GSDMC: variants seen among roughly 807,000 people sequenced by gnomAD.
GSDMC encodes the protein gasdermin C.
A neutral mutation model predicts 58.0 loss-of-function variants in GSDMC; 59 were observed. The ratio of observed to expected loss-of-function variants is 1.02; its 90% confidence interval spans 0.82 to 1.26. The LOEUF (loss-of-function observed/expected upper bound fraction) is 1.26. Among genes scored for constraint, GSDMC ranks in the 50% most tolerant of loss-of-function variants. GSDMC has a pLI of 0.00. For missense variants in GSDMC, 659 were observed against 598.5 expected (o/e 1.10, Z -1.06); for synonymous variants, 241 against 220.2 (o/e 1.09, Z -0.83).
downstream of GSDMC, among the ~76,000 whole-genome samples, chr8:129,745,159 A>G (rs1237296626): frequency 6.6e-6 from 1 of 152,256 alleles, no homozygotes; most frequent in Non-Finnish European, 1.5e-5. Context: ...GCAAAATTCA[A>G]TAGTCAGTCC....
At chr8:129,779,263 G>A (rs1365848227) in intron 1 of GSDMC, among the ~76,000 whole-genome samples, 1 of 152,160 alleles carries the variant, frequency 6.6e-6, no homozygotes, top group Non-Finnish European at 1.5e-5. Context: ...TATACCTCAT[G>A]GAATACTATG....
In GSDMC at chr8:129,748,575, C is replaced by T. The variant is rs753169677; in HGVS notation, c.1453G>A (p.Asp485Asn). The T allele has an allele frequency of 9.3e-6, 15 of 1,613,606 alleles. No individual in the cohort carries two copies. In the South Asian group the frequency reaches 1.3e-4, roughly 14 times the overall value. Residue 485 changes from aspartate to asparagine, a missense_variant, in exon 14 of 14, where the codon GAT becomes AAT. Asp to Asn is a conservative substitution (Grantham distance 23). Transcript: ENST00000276708. ...MELDNPRSTW[D>N]VEAKMPLSAL... is the part of the protein sequence containing the mutation. Reference sequence around the variant, plus strand: ...GACAGGGGCATCTTTGCTTCTACATCCCAGGTTGACCTGGGGTTATCCAGC... The same window carrying T: ...GACAGGGGCATCTTTGCTTCTACATTCCAGGTTGACCTGGGGTTATCCAGC...
intron 6 of GSDMC, among the ~76,000 whole-genome samples, chr8:129,757,376 C>T (rs745427883): frequency 1.3e-5 from 2 of 151,990 alleles, no homozygotes; most frequent in Non-Finnish European, 2.9e-5. Flanking sequence ...CTGAACAGAT[C>T]AGTAATGAGT....
intron 1 of GSDMC, among the ~76,000 whole-genome samples, chr8:129,784,343 T>A (rs187544980): frequency 6.6e-6 from 1 of 152,100 alleles, no homozygotes; most frequent in African/African-American, 2.4e-5. Flanking sequence ...AAACTTCCCA[T>A]CTGATAAGGG....
chr8:129,744,924 C>T (rs1019945079), downstream of GSDMC, among the ~76,000 whole-genome samples: 2 of 152,176 alleles, frequency 1.3e-5, no homozygotes, highest in East Asian at 1.9e-4. Context: ...TGTAGACACT[C>T]GTTTCTCTGC....
intron 1 of GSDMC, among the ~76,000 whole-genome samples, chr8:129,785,232 C>A (rs537317644): frequency 1.3e-5 from 2 of 152,162 alleles, no homozygotes; most frequent in South Asian, 4.1e-4. Flanking sequence ...GAGATCCTGT[C>A]ATTCGCAACA....
intron 6 of GSDMC, among the ~76,000 whole-genome samples, chr8:129,758,199 T>C (rs1227020490): frequency 6.6e-6 from 1 of 152,028 alleles, no homozygotes; most frequent in Non-Finnish European, 1.5e-5. Flanking sequence ...AAAAACCAGG[T>C]ATAGAAGAAA....
chr8:129,706,350 C>G, the GSDMC span, among the ~76,000 whole-genome samples: 1 of 152,130 alleles, frequency 6.6e-6, no homozygotes, highest in African/African-American at 2.4e-5. Flanking sequence ...CACATTTTAA[C>G]AGAAGGGAAG....
intron 4 of GSDMC, among the ~76,000 whole-genome samples, chr8:129,764,072 C>T (rs183100292): frequency 1.3e-5 from 2 of 152,298 alleles, no homozygotes; most frequent in African/African-American, 4.8e-5. Context: ...AATATTATCT[C>T]TTAAAGAGGA....
rs2033193549 is a variant in GSDMC, at chr8:129,751,581, T to C, written c.917-13A>G. ...TCCTCTATTCTTCCTAGAAGGAGAA[T>C]CAAGTCATCATCTCACTTCCTCATC... On this transcript the variant is annotated splice_polypyrimidine_tract_variant and intron_variant, in intron 9 of 13. Transcript: ENST00000276708. The C allele has an allele frequency of 1.2e-6, 2 of 1,611,850 alleles. No individual in the cohort carries two copies. The highest frequency in any genetic ancestry group is 2.7e-5 in the African/African-American group (2 of 74,764).
At chr8:129,708,078 C>T in the GSDMC span, among the ~76,000 whole-genome samples, 1 of 152,184 alleles carries the variant, frequency 6.6e-6, no homozygotes, top group Admixed American at 6.5e-5. Flanking sequence ...TGCATCTCTC[C>T]TCTGTTCAAG....
intron 3 of GSDMC, among the ~76,000 whole-genome samples, chr8:129,770,991 A>G (rs1022356990): frequency 1.9e-4 from 28 of 150,970 alleles, no homozygotes; most frequent in African/African-American, 6.6e-4. Context: ...CCATACTTAC[A>G]CAGACACACA....
intron 9 of GSDMC, 24 bp from the exon 10 acceptor site, chr8:129,751,592 T>C: frequency 6.2e-7 from 1 of 1,609,592 alleles, no homozygotes; most frequent in Admixed American, 1.7e-5. Flanking sequence ...CAAGTCATCA[T>C]CTCACTTCCT....
intron 6 of GSDMC, 112 bp from the exon 7 acceptor site, chr8:129,752,932 A>G (rs1481236399): frequency 6.6e-7 from 1 of 1,525,470 alleles, no homozygotes; most frequent in East Asian, 2.3e-5. Flanking sequence ...CAGTGCACGA[A>G]GGGAGCATTT....
At chr8:129,748,832 T>G in intron 13 of GSDMC, 92 bp from the exon 14 acceptor site, 1 of 1,075,732 alleles carries the variant, frequency 9.3e-7, no homozygotes, top group Non-Finnish European at 1.3e-6. Flanking sequence ...TGCAGGATAA[T>G]AAAAGGAGCA....
At chr8:129,738,455 A>C in the GSDMC span, among the ~76,000 whole-genome samples, 52 of 152,346 alleles carry the variant, frequency 3.4e-4, no homozygotes, top group African/African-American at 1.2e-3. Context: ...TACATATACA[A>C]CATGGAATAC....
the GSDMC span, among the ~76,000 whole-genome samples, chr8:129,722,344 G>C: frequency 6.6e-6 from 1 of 152,198 alleles, no homozygotes. Context: ...AGGAGTTACA[G>C]TTTTATTTCT....
At chr8:129,710,373 A>C in the GSDMC span, among the ~76,000 whole-genome samples, 2 of 152,224 alleles carry the variant, frequency 1.3e-5, no homozygotes, top group Non-Finnish European at 2.9e-5. Flanking sequence ...ACATCCTTGC[A>C]CCGGCCAACA....
At chr8:129,742,005 G>A in the GSDMC span, among the ~76,000 whole-genome samples, 1 of 149,866 alleles carries the variant, frequency 6.7e-6, no homozygotes, top group Non-Finnish European at 1.5e-5. Context: ...AGATGAATGT[G>A]GAGGACATAA....
Sources: allele counts gnomAD v4.1 joint callset (sites outside exome capture counted in the v4.1 genomes callset), GRCh38; gene constraint gnomAD v4.1.1; transcripts MANE v1.5; gene names NCBI Gene and HGNC (gene_info 2026-07-23, HGNC 2026-07-21).